The following MBD5 variants were observed in gnomAD, a reference collection of about 807,000 sequenced individuals.
MBD5 encodes methyl-CpG binding domain protein 5, also known as methyl-CpG-binding domain protein 5.
Under a neutral mutation model 117.3 loss-of-function variants are expected in MBD5, and 13 were observed. The observed-to-expected ratio is 0.11, with a 90% CI of 0.07 to 0.18. The LOEUF (loss-of-function observed/expected upper bound fraction) is 0.18, where lower values mean the gene tolerates loss of function less well. Among genes scored for constraint, MBD5 ranks in the 10% least tolerant of loss-of-function variants. The pLI, the probability that MBD5 is intolerant of heterozygous loss-of-function variation, is 1.00. For synonymous variants in MBD5, 727 were observed against 766.4 expected, an observed-to-expected ratio of 0.95 and a Z score of 0.85; for missense variants, 1,879 against 2,093.8, an observed-to-expected ratio of 0.90 and a Z score of 2.00.
intron 3 of MBD5, among the ~76,000 whole-genome samples, chr2:148,310,573 T>C (rs1026305321): frequency 2.0e-5 from 3 of 152,192 alleles, no homozygotes; most frequent in Non-Finnish European, 2.9e-5. Flanking sequence ...TTATGTATTT[T>C]GTTAATCTTT....
chr2:148,219,720 T>C (rs1294734657), intron 2 of MBD5, among the ~76,000 whole-genome samples: 1 of 152,190 alleles, frequency 6.6e-6, no homozygotes, highest in Non-Finnish European at 1.5e-5. Flanking sequence ...GTGACACTTT[T>C]TCCTATCCTA....
intron 4 of MBD5, among the ~76,000 whole-genome samples, chr2:148,435,633 CT>C (rs1482814300): frequency 2.4e-4 from 37 of 152,242 alleles, no homozygotes; most frequent in Non-Finnish European, 5.9e-5. Context: ...AGAGATTTCC[CT>C]TGTAGGTGAC....
chr2:148,494,837 C>T (rs987985206), intron 11 of MBD5, among the ~76,000 whole-genome samples: 1 of 152,070 alleles, frequency 6.6e-6, no homozygotes, highest in Non-Finnish European at 1.5e-5. Flanking sequence ...GTGGCGGGTG[C>T]CTGTAGTCCC....
chr2:148,485,777 C>T lies in MBD5; in HGVS notation c.3580C>T (p.His1194Tyr). ...ATCAATAAACAATACTTTGAGTAAC[C>T]ATCAACTGACTCATCTACAGTCGCT... Reference protein sequence around the residue: ...MSSINNTLSNHQLTHLQSLLN... With the variant: ...MSSINNTLSNYQLTHLQSLLN... The change falls in exon 10 of 14, where the codon CAT becomes TAT. Residue 1194 changes from histidine (H) to tyrosine (Y), a missense_variant. By Grantham distance (83) the His-to-Tyr change is moderately conservative (BLOSUM62 2). Around this residue, in one of 4 missense-constraint regions of MBD5, gnomAD observed 1,666 missense variants for 1,792.2 expected, o/e 0.93. Transcript: ENST00000642680. 6.2e-7 allele frequency: 1 copy of T among 1,613,700 alleles called. No homozygotes were observed. Among genetic ancestry groups the T allele is most frequent in the Non-Finnish European group, 8.5e-7 (1 of 1,179,762 alleles).
chr2:148,203,474 T>C (rs1699194212), intron 2 of MBD5, among the ~76,000 whole-genome samples: 1 of 152,232 alleles, frequency 6.6e-6, no homozygotes, highest in Non-Finnish European at 1.5e-5. Flanking sequence ...TTTTATTCTT[T>C]TCCTGAATTA....
At position 148,485,858 on chromosome 2, in the gene MBD5, G is replaced by A. The variant is rs1173544768; in HGVS notation, c.3661G>A (p.Gly1221Arg). ...TCAGCAACAGCAGCAACTTCTCCAG[G>A]GGTACCAGAATCTCCAGGCGTTCCA... is the stretch of plus-strand genomic sequence containing the variant. ...PNQQQQQLLQ[G>R]YQNLQAFQGQ... is the part of the protein sequence containing the mutation. The change falls in exon 10 of 14, where the codon GGG becomes AGG. Residue 1221 changes from glycine to arginine, a missense_variant. Gly to Arg is a moderately radical substitution (Grantham distance 125). This residue lies in a region of MBD5 where 1,666 missense variants were observed against 1,792.2 expected (regional missense o/e 0.93). Transcript: ENST00000642680. 6.2e-7 allele frequency: 1 copy of A among 1,614,038 alleles called. No individual in the cohort carries two copies. The highest frequency in any genetic ancestry group is 8.5e-7 in the Non-Finnish European group (1 of 1,179,984).
At chr2:148,501,500 A>T (rs1574496651) in intron 11 of MBD5, among the ~76,000 whole-genome samples, 1 of 152,118 alleles carries the variant, frequency 6.6e-6, no homozygotes, top group South Asian at 2.1e-4. Context: ...TTTTACTTAG[A>T]TTGTGTGTGT....
At chr2:148,127,942 G>A (rs560156203) in intron 1 of MBD5, among the ~76,000 whole-genome samples, 106 of 152,196 alleles carry the variant, frequency 7.0e-4, no homozygotes, top group African/African-American at 2.3e-3. Context: ...AGTGTGAGAT[G>A]GTATCTCATT....
chr2:148,027,273 A>G (rs1179141025), intron 1 of MBD5: 1 of 152,158 alleles, frequency 6.6e-6, no homozygotes, highest in Non-Finnish European at 1.5e-5. Context: ...TGGTATAAGA[A>G]TGATCAACTT....
chr2:148,313,262 T>A (rs1029173057), intron 3 of MBD5, among the ~76,000 whole-genome samples: 1 of 152,074 alleles, frequency 6.6e-6, no homozygotes, highest in East Asian at 1.9e-4. Context: ...AGCTGCCCCT[T>A]CCCCCAGGTG....
At chr2:148,105,937 T>G (rs1696360668) in intron 1 of MBD5, among the ~76,000 whole-genome samples, 1 of 152,150 alleles carries the variant, frequency 6.6e-6, no homozygotes, top group Non-Finnish European at 1.5e-5. Context: ...ATTGGATTAT[T>G]TCTAGTTATA....
chr2:148,218,966 G>GT (rs1699620258), intron 2 of MBD5, among the ~76,000 whole-genome samples: 1 of 152,022 alleles, frequency 6.6e-6, no homozygotes, highest in Admixed American at 6.6e-5. Flanking sequence ...TATTTTAAAA[G>GT]TTTTTTTCTA....
intron 2 of MBD5, among the ~76,000 whole-genome samples, chr2:148,223,573 T>C (rs1242188127): frequency 1.3e-5 from 2 of 152,214 alleles, no homozygotes; most frequent in Admixed American, 1.3e-4. Flanking sequence ...TAATTAATGA[T>C]CATTTGAATT....
rs920985127 is a variant in MBD5, at chr2:148,484,066, C to A, written c.3475C>A (p.Pro1159Thr). The A allele has an allele frequency of 6.5e-7, 1 of 1,548,016 alleles. No individual in the cohort carries two copies. The highest frequency in any genetic ancestry group is 2.4e-5 in the East Asian group (1 of 40,918). Residue 1159 changes from proline to threonine, a missense_variant, in exon 9 of 14, where the codon CCA becomes ACA. Physicochemically the swap from Pro to Thr is conservative, Grantham distance 38. Transcript: ENST00000642680. ...TAATAATGCTGGGAATACACCTGGT[C>A]CAGCTAAACTCAACAGTAACTCTGT... ...ISNNAGNTPG[P>T]AKLNSNSVVP...
intron 3 of MBD5, among the ~76,000 whole-genome samples, chr2:148,278,022 T>C (rs1319215920): frequency 6.6e-6 from 1 of 152,072 alleles, no homozygotes; most frequent in African/African-American, 2.4e-5. Context: ...CCACGAAAAT[T>C]TTCTTGGGTC....
At chr2:148,086,043 T>A (rs1348846356) in intron 1 of MBD5, among the ~76,000 whole-genome samples, 1 of 152,188 alleles carries the variant, frequency 6.6e-6, no homozygotes, top group East Asian at 1.9e-4. Context: ...ATTCTTATAT[T>A]TCACTACAGA....
intron 1 of MBD5, among the ~76,000 whole-genome samples, chr2:148,022,561 G>A (rs529677505): frequency 3.3e-5 from 5 of 152,166 alleles, no homozygotes; most frequent in South Asian, 4.1e-4. Flanking sequence ...ACTTTATGTT[G>A]TTCTGGCTGC....
intron 2 of MBD5, among the ~76,000 whole-genome samples, chr2:148,215,041 C>T (rs1210903496): frequency 6.6e-6 from 1 of 152,118 alleles, no homozygotes; most frequent in Non-Finnish European, 1.5e-5. Context: ...GTTAATATAT[C>T]ACTTAAAACT....
Position 148,441,352 on chromosome 2 carries a change from G to A in MBD5, c.-556-16851G>A, listed in dbSNP as rs1000588168. 5.3e-5 allele frequency among the ~76,000 whole-genome samples: 8 copies of A among 151,918 alleles called. No homozygotes were observed. In the South Asian group the frequency reaches 8.3e-4, roughly 16 times the overall value. On this transcript the variant is annotated intron_variant, in intron 4 of 13. Coordinates refer to ENST00000642680, the MANE Select transcript of MBD5 (RefSeq NM_001378120.1). ...TTCCCACCTATGAGTGAGAACATGCGGTGTTTGGTTTTTTGTCCTTGCGAT... is the reference window on the plus strand; with the variant it reads ...TTCCCACCTATGAGTGAGAACATGCAGTGTTTGGTTTTTTGTCCTTGCGAT...
Sources: allele counts gnomAD v4.1 joint callset (sites outside exome capture counted in the v4.1 genomes callset), GRCh38; gene constraint gnomAD v4.1.1; regional missense constraint gnomAD v4.1.1; transcripts MANE v1.5; gene names NCBI Gene and HGNC (gene_info 2026-07-23, HGNC 2026-07-21).